Variants in FGGY observed in about 807,000 individuals in gnomAD.
FGGY encodes the protein FGGY carbohydrate kinase domain-containing protein.
Under a neutral mutation model 71.3 loss-of-function variants are expected in FGGY, and 72 were observed. The ratio of observed to expected loss-of-function variants is 1.01; its 90% CI spans 0.84 to 1.23. FGGY has a LOEUF of 1.23. Ranked by LOEUF, FGGY falls within the 50% of genes most tolerant of loss-of-function variation. The pLI is 0.00. For synonymous variants in FGGY, 251 were observed against 250.3 expected (o/e 1.00, Z -0.02); for missense variants, 668 against 682.3 (o/e 0.98, Z 0.23).
chr1:59,578,704 A>C (rs2096129113), intron 8 of FGGY, among the ~76,000 whole-genome samples: 1 of 152,124 alleles, frequency 6.6e-6, no homozygotes. Flanking sequence ...TTCGTGGAAC[A>C]AATTTACCAA....
rs566996821 is a variant in FGGY at position 59,743,108 on chromosome 1, A to C, written c.1513-14823A>C. Among the ~76,000 whole-genome samples the C allele has an allele frequency of 4.6e-5, 7 of 152,250 alleles. No homozygotes were observed. In the South Asian group the frequency reaches 1.2e-3, roughly 27 times the overall value. ...GACCCCTGCCTTCATCTATAGCTTC[A>C]TCTCCTATATGCTTTCCCTTCATTT... On this transcript the variant is annotated intron_variant, in intron 14 of 15. Transcript: ENST00000303721.
chr1:59,366,313 G>C (rs2056581116), intron 4 of FGGY, among the ~76,000 whole-genome samples: 1 of 152,006 alleles, frequency 6.6e-6, no homozygotes, highest in South Asian at 2.1e-4. Context: ...TCATCTAATG[G>C]GGGTAATGCG....
rs149748263 is a variant in FGGY, at chr1:59,552,706, C to T, written c.800-1418C>T. On this transcript the variant is annotated intron_variant, in intron 7 of 15. Transcript: ENST00000303721. Reference sequence around the variant, plus strand: ...ATAGGTGGGTTAGCTGCCTTTGTGGCCCCTCCTGTGATACACTGATTTCCC... The same window carrying T: ...ATAGGTGGGTTAGCTGCCTTTGTGGTCCCTCCTGTGATACACTGATTTCCC... 3.3e-3 allele frequency among the ~76,000 whole-genome samples: 501 copies of T among 152,204 alleles called. 2 individuals are homozygous for T. Among genetic ancestry groups the T allele is most frequent in the Middle Eastern group, 6.8e-3 (2 of 294 alleles).
chr1:59,481,109 T>G (rs1012528153), intron 6 of FGGY, among the ~76,000 whole-genome samples: 1 of 152,228 alleles, frequency 6.6e-6, no homozygotes, highest in East Asian at 1.9e-4. Context: ...GACTTTTTTC[T>G]TAGTGACTTG....
intron 9 of FGGY, among the ~76,000 whole-genome samples, chr1:59,612,641 T>C (rs1292240950): frequency 2.0e-5 from 3 of 152,184 alleles, no homozygotes; most frequent in Non-Finnish European, 4.4e-5. Context: ...AATTCACACA[T>C]AGCAATATTA....
intron 9 of FGGY, among the ~76,000 whole-genome samples, chr1:59,611,685 A>G (rs529174517): frequency 6.6e-6 from 1 of 152,360 alleles, no homozygotes; most frequent in South Asian, 2.1e-4. Flanking sequence ...AAGGCTTCAG[A>G]CGATCAAACT....
chr1:59,452,080 C>CTT (rs72244659), intron 5 of FGGY, among the ~76,000 whole-genome samples: 1 of 142,382 alleles, frequency 7.0e-6, no homozygotes, highest in African/African-American at 2.5e-5. Flanking sequence ...TTGTTCTTTT[C>CTT]TTTTTTTTTT....
At chr1:59,643,994 A>G (rs570052964) in intron 11 of FGGY, among the ~76,000 whole-genome samples, 1 of 152,336 alleles carries the variant, frequency 6.6e-6, no homozygotes, top group Non-Finnish European at 1.5e-5. Context: ...TTAAACATGC[A>G]TTATACATGG....
At chr1:59,319,147 A>G (rs923313170) in intron 1 of FGGY, among the ~76,000 whole-genome samples, 5 of 152,258 alleles carry the variant, frequency 3.3e-5, no homozygotes, top group Admixed American at 6.5e-5. Flanking sequence ...AAGAAAGGAA[A>G]TGATACCAAT....
intron 8 of FGGY, among the ~76,000 whole-genome samples, chr1:59,557,144 A>G (rs1265634881): frequency 6.6e-6 from 1 of 152,128 alleles, no homozygotes. Flanking sequence ...GTCTGAGGAA[A>G]CACTCCCAGG....
intron 5 of FGGY, among the ~76,000 whole-genome samples, chr1:59,443,009 T>C (rs963333457): frequency 1.3e-5 from 2 of 152,134 alleles, no homozygotes; most frequent in African/African-American, 4.8e-5. Flanking sequence ...TTTAGGATTT[T>C]TAGTATGAGG....
At chr1:59,716,611 A>G (rs2100481536) in intron 14 of FGGY, among the ~76,000 whole-genome samples, 1 of 152,326 alleles carries the variant, frequency 6.6e-6, no homozygotes, top group Admixed American at 6.5e-5. Flanking sequence ...ATTACAATCT[A>G]ATTAGGGAGA....
chr1:59,324,266 C>CTTTTTTTTTTTT (rs71046329), intron 2 of FGGY, among the ~76,000 whole-genome samples: 4 of 78,106 alleles, frequency 5.1e-5, no homozygotes, highest in African/African-American at 1.9e-4. Context: ...ATAATAACTA[C>CTTTTTTTTTTTT]TTTTTTTTTT....
intron 11 of FGGY, among the ~76,000 whole-genome samples, chr1:59,639,306 A>C (rs1381140687): frequency 6.6e-6 from 1 of 152,224 alleles, no homozygotes; most frequent in Non-Finnish European, 1.5e-5. Context: ...AAATATTTTT[A>C]TGATGCCAGC....
intron 5 of FGGY, among the ~76,000 whole-genome samples, chr1:59,421,413 C>T (rs1348985747): frequency 2.0e-5 from 3 of 151,834 alleles, no homozygotes; most frequent in African/African-American, 7.3e-5. Context: ...TTTTAAAAGC[C>T]TGGAATTTGT....
chr1:59,595,324 A>G (rs1345293477), intron 8 of FGGY, among the ~76,000 whole-genome samples: 1 of 152,008 alleles, frequency 6.6e-6, no homozygotes, highest in African/African-American at 2.4e-5. Flanking sequence ...CTTTTTTTAA[A>G]AAAAAATGAC....
intron 1 of FGGY, among the ~76,000 whole-genome samples, chr1:59,312,714 A>C (rs1385246372): frequency 6.6e-6 from 1 of 152,178 alleles, no homozygotes; most frequent in Admixed American, 6.5e-5. Context: ...GGCTTCAGCC[A>C]AGTTTGGGTT....
At chr1:59,387,030 ATAAT>A (rs752623687) in intron 5 of FGGY, among the ~76,000 whole-genome samples, 6 of 152,090 alleles carry the variant, frequency 3.9e-5, no homozygotes, top group Admixed American at 6.5e-5. Flanking sequence ...TCTCTTTAAA[ATAAT>A]TATTACGTTT....
At chr1:59,629,402 A>C (rs866316954) in intron 10 of FGGY, among the ~76,000 whole-genome samples, 1 of 152,144 alleles carries the variant, frequency 6.6e-6, no homozygotes, top group South Asian at 2.1e-4. Flanking sequence ...GATTTTGACA[A>C]GGAGTTTAAG....
Sources: gnomAD v4.1 joint callset for allele counts (sites outside exome capture counted in the v4.1 genomes callset) on GRCh38, gnomAD v4.1.1 for gene constraint, MANE v1.5 for transcripts, NCBI Gene and HGNC (gene_info 2026-07-23, HGNC 2026-07-21) for gene names.